Variants in CDH1 observed in about 807,000 individuals in gnomAD.
The protein encoded by CDH1 is cadherin-1.
Under a neutral mutation model 84.5 loss-of-function variants are expected in CDH1, and 35 were observed. The observed-to-expected ratio is 0.41, with a 90% confidence interval of 0.32 to 0.55. The LOEUF is 0.55. Ranked by LOEUF, CDH1 falls within the 20% of genes least tolerant of loss-of-function variation. CDH1 has a pLI of 0.19. For missense variants in CDH1, 994 were observed against 1,126.6 expected, an observed-to-expected ratio of 0.88 and a Z score of 1.68; for synonymous variants, 417 against 439.0, an observed-to-expected ratio of 0.95 and a Z score of 0.63.
rs1064795133 is a variant in CDH1 at position 68,737,371 on chromosome 16, C to A, written c.-45C>A. 3 of 1,515,276 alleles carry A rather than the reference C, an allele frequency of 2.0e-6. No individual in the cohort carries two copies. The highest frequency in any genetic ancestry group is 2.4e-5 in the South Asian group (2 of 82,634). 93.9% of individuals were successfully genotyped at this position (1,515,276 alleles called of 1,614,324 possible). On this transcript the variant is annotated 5_prime_UTR_variant, in exon 1 of 16. Transcript: ENST00000261769. ...CAGCCCGCTCCAGCCCGGCCCGACC[C>A]GACCGCACCCGGCGCCTGCCCTCGC...
At chr16:68,767,053 T>C (rs1959412107) in intron 2 of CDH1, among the ~76,000 whole-genome samples, 2 of 152,062 alleles carry the variant, frequency 1.3e-5, no homozygotes, top group East Asian at 1.9e-4. Context: ...ATGAGGAAAC[T>C]GAGACCCAGA....
chr16:68,828,416 T>G (rs772752853), intron 14 of CDH1, 112 bp downstream of exon 14: 12 of 1,061,234 alleles, frequency 1.1e-5, no homozygotes, highest in African/African-American at 3.1e-5. Context: ...GATATTATCT[T>G]TTTAAGGCCT....
intron 2 of CDH1, chr16:68,763,189 T>C (rs1959277972): frequency 6.6e-6 from 1 of 152,178 alleles, no homozygotes; most frequent in African/African-American, 2.4e-5. Context: ...AGCCCAAAAC[T>C]CCAACTCACT....
chr16:68,819,249 A>T (rs749073636), intron 10 of CDH1, 31 bp from the exon 11 acceptor site: 1 of 1,613,948 alleles, frequency 6.2e-7, no homozygotes, highest in Non-Finnish European at 8.5e-7. Flanking sequence ...TGCTGGTCCT[A>T]TTCTAAAAGC....
At chr16:68,754,683 T>G (rs998206095) in intron 2 of CDH1, among the ~76,000 whole-genome samples, 2 of 152,142 alleles carry the variant, frequency 1.3e-5, no homozygotes, top group Non-Finnish European at 2.9e-5. Context: ...TCATTCCTTC[T>G]CTGAAGGTCT....
rs1011283554 is a variant in CDH1 at position 68,791,461 on chromosome 16, C to T, written c.164-10209C>T. On this transcript the variant is annotated intron_variant, in intron 2 of 15. Transcript: ENST00000261769. ...TTTTGGAGATAGCATCTCAATCTGT[C>T]GCCCAGGCTGGAGTGCAGTGGCACA... is the stretch of plus-strand genomic sequence containing the variant. Among the ~76,000 whole-genome samples, 7 of 152,176 alleles carry T rather than the reference C, an allele frequency of 4.6e-5. No homozygotes were observed. The East Asian group carries it at 1.2e-3, about 25-fold the overall frequency.
intron 2 of CDH1, among the ~76,000 whole-genome samples, chr16:68,741,854 A>G (rs1173070512): frequency 1.3e-5 from 2 of 152,120 alleles, no homozygotes; most frequent in Non-Finnish European, 2.9e-5. Flanking sequence ...TATTTTTAGT[A>G]GAGACAGGAT....
intron 5 of CDH1, 117 bp from the exon 6 acceptor site, chr16:68,810,080 G>T (rs562503234): frequency 9.9e-7 from 1 of 1,006,586 alleles, no homozygotes; most frequent in Admixed American, 1.7e-5. Flanking sequence ...CCCACTGGGG[G>T]TCTCAGAGCC....
At chr16:68,753,751 A>G (rs1300083318) in intron 2 of CDH1, among the ~76,000 whole-genome samples, 1 of 152,112 alleles carries the variant, frequency 6.6e-6, no homozygotes, top group Non-Finnish European at 1.5e-5. Context: ...GTTACATTTG[A>G]CTTTCAGATA....
chr16:68,810,136 C>A (rs534442001), intron 5 of CDH1, 61 bp from the exon 6 acceptor site: 1 of 1,595,342 alleles, frequency 6.3e-7, no homozygotes, highest in South Asian at 1.1e-5. Context: ...TCTGGCTGGG[C>A]CCCTTCTCCC....
intron 2 of CDH1, 100 bp downstream of exon 2, chr16:68,738,511 C>T (rs1316189634): frequency 1.1e-5 from 8 of 727,076 alleles, no homozygotes; most frequent in Admixed American, 1.1e-4. Flanking sequence ...TGGGCAAGCT[C>T]CCTCCTTGGC....
At position 68,806,678 on chromosome 16, in the gene CDH1, C is replaced by A. The variant is rs145585949; in HGVS notation, c.388-1746C>A. Among the ~76,000 whole-genome samples the A allele has an allele frequency of 4.0e-3, 613 of 152,262 alleles. 3 individuals carry two copies. The highest frequency in any genetic ancestry group is 0.014 in the African/African-American group (585 of 41,560). On this transcript the variant is annotated intron_variant, in intron 3 of 15. Coordinates refer to ENST00000261769, the MANE Select transcript of CDH1 (RefSeq NM_004360.5). ...TATGAGATAGGTTCTAATATTATCC[C>A]CATTTCAGACATTAGGAAGCTGTAA... is the stretch of plus-strand genomic sequence containing the variant.
chr16:68,737,492 A>G (rs1392627130), intron 1 of CDH1, 29 bp downstream of exon 1: 2 of 1,520,944 alleles, frequency 1.3e-6, no homozygotes, highest in South Asian at 2.4e-5. Flanking sequence ...CTTGCGAGGG[A>G]CGCATTCGGG....
intron 2 of CDH1, among the ~76,000 whole-genome samples, chr16:68,790,228 T>C (rs2152123557): frequency 6.6e-6 from 1 of 152,286 alleles, no homozygotes; most frequent in African/African-American, 2.4e-5. Context: ...ATCTCAGGCC[T>C]GTCAGCTGCC....
intron 2 of CDH1, among the ~76,000 whole-genome samples, chr16:68,754,903 T>C (rs1962979246): frequency 6.6e-6 from 1 of 152,060 alleles, no homozygotes; most frequent in African/African-American, 2.4e-5. Flanking sequence ...ATAAAAACTA[T>C]GCATTGGGGT....
intron 13 of CDH1, among the ~76,000 whole-genome samples, 195 bp from the exon 14 acceptor site, chr16:68,827,979 A>G (rs930957302): frequency 2.0e-5 from 3 of 152,192 alleles, no homozygotes; most frequent in Admixed American, 2.0e-4. Context: ...ATCACTGTCT[A>G]CTATGTTGTA....
chr16:68,745,845 T>C (rs1962725580), intron 2 of CDH1, among the ~76,000 whole-genome samples: 1 of 152,062 alleles, frequency 6.6e-6, no homozygotes, highest in Non-Finnish European at 1.5e-5. Context: ...TGGGATGAAG[T>C]CTTGCTCTGT....
intron 10 of CDH1, among the ~76,000 whole-genome samples, chr16:68,818,815 A>C (rs567263950): frequency 2.2e-5 from 3 of 135,278 alleles, no homozygotes; most frequent in East Asian, 4.5e-4. Context: ...GCGCCACTGC[A>C]CTCCAGCTTG....
chr16:68,764,179 G>A (rs1392893978), intron 2 of CDH1, among the ~76,000 whole-genome samples: 2 of 152,200 alleles, frequency 1.3e-5, no homozygotes, highest in African/African-American at 2.4e-5. Flanking sequence ...GTGTGTGTGT[G>A]ATCAGTTCAC....
Sources: allele counts gnomAD v4.1 joint callset (sites outside exome capture counted in the v4.1 genomes callset), GRCh38; gene constraint gnomAD v4.1.1; transcripts MANE v1.5; gene names NCBI Gene and HGNC (gene_info 2026-07-23, HGNC 2026-07-21).